PPM1E: variants seen among roughly 807,000 people sequenced by gnomAD.
PPM1E encodes the protein protein phosphatase 1E.
Under a neutral mutation model 65.9 loss-of-function variants are expected in PPM1E, and 20 were observed. The ratio of observed to expected loss-of-function variants is 0.30; its 90% CI spans 0.21 to 0.44. The LOEUF is 0.44. Ranked by LOEUF, PPM1E falls within the 20% of genes least tolerant of loss-of-function variation. The pLI is 1.00. For missense variants in PPM1E, 713 were observed against 953.1 expected, an observed-to-expected ratio of 0.75 and a Z score of 3.32; for synonymous variants, 352 against 374.9, an observed-to-expected ratio of 0.94 and a Z score of 0.70.
chr17:58,977,089 A>G (rs1166440170), intron 6 of PPM1E, among the ~76,000 whole-genome samples: 1 of 152,168 alleles, frequency 6.6e-6, no homozygotes, highest in Non-Finnish European at 1.5e-5. Context: ...ACCTTAGCAT[A>G]TAAGTGAAGT....
intron 1 of PPM1E, among the ~76,000 whole-genome samples, chr17:58,923,911 CTTTTTTTTTTT>C (rs751578623): frequency 1.5e-5 from 1 of 64,812 alleles, no homozygotes; most frequent in African/African-American, 6.5e-5. Flanking sequence ...AAGACCCCCT[CTTTTTTTTTTT>C]TTTTTTTTTT....
At chr17:58,838,848 G>A (rs956765249) in intron 1 of PPM1E, among the ~76,000 whole-genome samples, 4 of 152,076 alleles carry the variant, frequency 2.6e-5, no homozygotes, top group African/African-American at 9.7e-5. Context: ...GTTATTAAGC[G>A]ATCAAAAGAA....
chr17:58,818,942 G>T (rs925531762), intron 1 of PPM1E, among the ~76,000 whole-genome samples: 14 of 152,324 alleles, frequency 9.2e-5, no homozygotes, highest in African/African-American at 3.4e-4. Flanking sequence ...ATTTCAGGCT[G>T]CAGTGCTGTA....
intron 1 of PPM1E, among the ~76,000 whole-genome samples, chr17:58,797,183 A>AT (rs898039644): frequency 1.3e-5 from 2 of 152,304 alleles, no homozygotes; most frequent in African/African-American, 4.8e-5. Flanking sequence ...ATGTTTGTTT[A>AT]TTTTTTTCAA....
At chr17:58,782,032 AG>A (rs947751896) in intron 1 of PPM1E, among the ~76,000 whole-genome samples, 13 of 152,332 alleles carry the variant, frequency 8.5e-5, no homozygotes, top group Admixed American at 6.5e-4. Context: ...GAACAGATAA[AG>A]GATTAAATGA....
chr17:58,949,896 T>C (rs932156079), intron 1 of PPM1E, among the ~76,000 whole-genome samples: 32 of 152,218 alleles, frequency 2.1e-4, no homozygotes, highest in Admixed American at 2.0e-3. Context: ...CTTGGCTAGC[T>C]GAGTTTTTTT....
intron 1 of PPM1E, among the ~76,000 whole-genome samples, chr17:58,853,361 G>T (rs1180851730): frequency 6.6e-6 from 1 of 152,054 alleles, no homozygotes; most frequent in Admixed American, 6.6e-5. Context: ...TGTTGAAAAG[G>T]CTGTATTTTT....
intron 1 of PPM1E, among the ~76,000 whole-genome samples, chr17:58,877,516 T>C (rs1353621495): frequency 1.3e-5 from 2 of 152,198 alleles, no homozygotes. Context: ...TTCTAAAAGT[T>C]TGTTTTAAAA....
intron 6 of PPM1E, among the ~76,000 whole-genome samples, chr17:58,976,184 A>C (rs529962076): frequency 6.6e-6 from 1 of 152,264 alleles, no homozygotes; most frequent in East Asian, 1.9e-4. Flanking sequence ...AAGACGAGAG[A>C]GTAGAGAAGC....
intron 1 of PPM1E, among the ~76,000 whole-genome samples, chr17:58,814,235 G>C (rs985122710): frequency 9.2e-5 from 14 of 152,274 alleles, no homozygotes; most frequent in Middle Eastern, 3.4e-3. Context: ...GAATAGGAGT[G>C]TGAAGATCTC....
At chr17:58,856,422 G>A (rs181439758) in intron 1 of PPM1E, among the ~76,000 whole-genome samples, 1 of 152,064 alleles carries the variant, frequency 6.6e-6, no homozygotes, top group East Asian at 1.9e-4. Context: ...ATTTTTAGTA[G>A]AGACAGGATT....
At chr17:58,917,005 TG>T (rs1285087356) in intron 1 of PPM1E, among the ~76,000 whole-genome samples, 1 of 151,774 alleles carries the variant, frequency 6.6e-6, no homozygotes, top group Non-Finnish European at 1.5e-5. Flanking sequence ...AGGCCAGGAG[TG>T]TGAGACCAGC....
intron 1 of PPM1E, among the ~76,000 whole-genome samples, chr17:58,846,795 A>C (rs907054394): frequency 3.3e-5 from 5 of 152,194 alleles, no homozygotes; most frequent in Admixed American, 3.3e-4. Context: ...CAGTAATGGA[A>C]TTGCTGGGTC....
intron 1 of PPM1E, among the ~76,000 whole-genome samples, chr17:58,913,296 G>T (rs887961803): frequency 6.6e-6 from 1 of 152,258 alleles, no homozygotes; most frequent in Non-Finnish European, 1.5e-5. Flanking sequence ...GTTGAGTGTT[G>T]AGAGTAGGAA....
At chr17:58,776,015 G>T (rs1259925813) in intron 1 of PPM1E, among the ~76,000 whole-genome samples, 1 of 150,668 alleles carries the variant, frequency 6.6e-6, no homozygotes, top group Admixed American at 6.6e-5. Context: ...GTGGTAGATG[G>T]TCATTTAACT....
At chr17:58,811,105 G>A (rs754394575) in intron 1 of PPM1E, among the ~76,000 whole-genome samples, 4 of 152,054 alleles carry the variant, frequency 2.6e-5, no homozygotes, top group Non-Finnish European at 2.9e-5. Flanking sequence ...TGATCCACCC[G>A]CCTTGGCCTC....
chr17:58,782,186 A>G (rs1297057259), intron 1 of PPM1E, among the ~76,000 whole-genome samples: 1 of 152,184 alleles, frequency 6.6e-6, no homozygotes, highest in East Asian at 1.9e-4. Context: ...AAGGAGCCAC[A>G]TACACATATT....
rs1190058236 is a variant in PPM1E, at chr17:58,984,444, A to AATT, written c.*3417_*3419dup. 6.6e-6 allele frequency: 1 copy of AATT among 152,652 alleles called. No individual in the cohort carries two copies. The highest frequency in any genetic ancestry group is 2.4e-5 in the African/African-American group (1 of 41,454). 9.5% of individuals were successfully genotyped at this position (152,652 alleles called of 1,614,324 possible). A position where few individuals can be genotyped will look rare whatever the true frequency, so the allele number is the denominator to read the frequency against. The stretch of plus-strand genomic sequence containing the variant: ...TAAGGCTTTGTGGGAAAATGATCTA[A>AATT]ATTATTGTTTTAATTTTTAAACCTA... On this transcript the variant is annotated 3_prime_UTR_variant, in exon 7 of 7. Coordinates refer to ENST00000308249, the MANE Select transcript of PPM1E (RefSeq NM_014906.5).
In PPM1E at chr17:58,816,769, TA is replaced by T. The variant is rs1567842137; in HGVS notation, c.464+60309del. On this transcript the variant is annotated intron_variant, in intron 1 of 6. Coordinates refer to ENST00000308249, the MANE Select transcript of PPM1E (RefSeq NM_014906.5). ...ATATATATATATATATATATATATA[TA>T]TATATATATATATATATATATATAT... is the stretch of plus-strand genomic sequence containing the variant. Among the ~76,000 whole-genome samples the T allele has an allele frequency of 8.9e-3, 142 of 15,920 alleles. 12 individuals are homozygous for T. Among genetic ancestry groups the T allele is most frequent in the African/African-American group, 0.023 (105 of 4,502 alleles). 10.4% of individuals were successfully genotyped at this position (15,920 alleles called of 152,430 possible). A position where few individuals can be genotyped will look rare whatever the true frequency, so the allele number is the denominator to read the frequency against.
Sources: gnomAD v4.1 joint callset for allele counts (sites outside exome capture counted in the v4.1 genomes callset) on GRCh38, gnomAD v4.1.1 for gene constraint, MANE v1.5 for transcripts, NCBI Gene and HGNC (gene_info 2026-07-23, HGNC 2026-07-21) for gene names.